ANAPC5: variants seen among roughly 807,000 people sequenced by gnomAD.
ANAPC5 encodes anaphase promoting complex subunit 5.
In ANAPC5, 60 loss-of-function variants were observed where a neutral mutation model predicts 91.3. The ratio of observed to expected loss-of-function variants is 0.66; its 90% confidence interval spans 0.53 to 0.81. The LOEUF (loss-of-function observed/expected upper bound fraction) is 0.81. Among genes scored for constraint, ANAPC5 ranks in the 40% least tolerant of loss-of-function variants. ANAPC5 has a pLI of 0.00. For synonymous variants in ANAPC5, 340 were observed against 364.1 expected, an observed-to-expected ratio of 0.93 and a Z score of 0.75; for missense variants, 690 against 931.5, an observed-to-expected ratio of 0.74 and a Z score of 3.37.
In ANAPC5 at chr12:121,327,088, C is replaced by T; in HGVS notation, c.1440+8G>A. 6.3e-7 allele frequency: 1 copy of T among 1,588,244 alleles called. No homozygotes were observed. Among genetic ancestry groups the T allele is most frequent in the Non-Finnish European group, 8.5e-7 (1 of 1,169,976 alleles). On this transcript the variant is annotated splice_region_variant and intron_variant, in intron 11 of 16. Transcript: ENST00000261819. Reference sequence around the variant, plus strand: ...TCCAGAAGCACGTGGGCCCGGCCACCTGCCTACCTGCTCCGCGTGTAGCTC... The same window carrying T: ...TCCAGAAGCACGTGGGCCCGGCCACTTGCCTACCTGCTCCGCGTGTAGCTC...
upstream of ANAPC5, chr12:121,352,509 A>T: frequency 1.7e-6 from 1 of 593,396 alleles, no homozygotes; most frequent in East Asian, 2.8e-5. Flanking sequence ...GTCAGAGCAC[A>T]TGGGAGAGCG....
chr12:121,337,792 C>G (rs548474007), intron 5 of ANAPC5, among the ~76,000 whole-genome samples: 8 of 152,032 alleles, frequency 5.3e-5, no homozygotes, highest in Admixed American at 1.3e-4. Flanking sequence ...ACTTACCCCC[C>G]CTGTGGCACT....
intron 1 of ANAPC5, among the ~76,000 whole-genome samples, chr12:121,348,386 C>A (rs1053812675): frequency 6.6e-6 from 1 of 152,158 alleles, no homozygotes; most frequent in Non-Finnish European, 1.5e-5. Context: ...GACGAGAGGC[C>A]GGGCACAGTG....
At chr12:121,351,585 G>A (rs964428721) in intron 1 of ANAPC5, among the ~76,000 whole-genome samples, 2 of 151,662 alleles carry the variant, frequency 1.3e-5, no homozygotes, top group African/African-American at 4.8e-5. Context: ...AGCCTCCCGA[G>A]TAGCTGAAAT....
chr12:121,341,192 G>A (rs1903443875), intron 5 of ANAPC5, among the ~76,000 whole-genome samples: 1 of 151,590 alleles, frequency 6.6e-6, no homozygotes, highest in Non-Finnish European at 1.5e-5. Context: ...GAAATGTTTG[G>A]GGCACGCTGG....
In ANAPC5 at chr12:121,327,190, T is replaced by C. The variant is rs782480729; in HGVS notation, c.1346A>G (p.Asn449Ser). Residue 449 changes from asparagine (N) to serine (S), a missense_variant, in exon 11 of 17, where the codon AAC (asparagine) becomes AGC (serine). This residue lies in a region of ANAPC5 where 317 missense variants were observed against 438.7 expected (regional missense o/e 0.72). Transcript: ENST00000261819. ...GCCCGCATTCACCGCCTCCAGGCTG[T>C]TCATGCTCAGCAACATCTGGGCCTG... ...LQQAQMLLSM[N>S]SLEAVNAGVQ... is the part of the protein sequence containing the mutation. 3.1e-6 allele frequency: 5 copies of C among 1,613,610 alleles called. No homozygotes were observed. The highest frequency in any genetic ancestry group is 4.2e-6 in the Non-Finnish European group (5 of 1,179,970).
Position 121,330,589 on chromosome 12 carries a change from C to T in ANAPC5, c.1116G>A (p.Gly372=), listed in dbSNP as rs1555272778. The change falls in exon 9 of 17, where the codon GGG becomes GGA. Residue 372 remains glycine (G), a synonymous_variant. Coordinates refer to ENST00000261819, the MANE Select transcript of ANAPC5 (RefSeq NM_016237.5). The stretch of plus-strand genomic sequence containing the variant: ...ACAGAAAGATGAGCCTTACCGGTAA[C>T]CCAAAATGTACTGCCTTCTTCACAG... ...EHSVKKAVHF[G]LPYLASLGIQ... is the part of the protein sequence containing the mutation. 7 of 1,613,426 alleles carry T rather than the reference C, an allele frequency of 4.3e-6. No individual in the cohort carries two copies. Among genetic ancestry groups the T allele is most frequent in the Non-Finnish European group, 5.1e-6 (6 of 1,179,702 alleles).
chr12:121,329,416 T>TGCTG (rs1902947738), intron 9 of ANAPC5, among the ~76,000 whole-genome samples: 1 of 152,062 alleles, frequency 6.6e-6, no homozygotes, highest in South Asian at 2.1e-4. Flanking sequence ...CCTCCCAAAG[T>TGCTG]GCTGGGATTA....
chr12:121,321,445 C>T (rs1902605298), intron 11 of ANAPC5, among the ~76,000 whole-genome samples: 1 of 148,730 alleles, frequency 6.7e-6, no homozygotes, highest in South Asian at 2.1e-4. Context: ...GCCTCAACTT[C>T]CTAGGCTCAA....
At chr12:121,318,703 G>C in intron 13 of ANAPC5, 95 bp from the exon 14 acceptor site, 1 of 1,116,974 alleles carries the variant, frequency 9.0e-7, no homozygotes. Context: ...CCTCCCAAGG[G>C]AAAAAACTGT....
In ANAPC5 at chr12:121,308,461, C is replaced by A; in HGVS notation, c.*19G>T. 1 of 1,610,494 alleles carries A rather than the reference C, an allele frequency of 6.2e-7. No homozygotes were observed. The highest frequency in any genetic ancestry group is 8.5e-7 in the Non-Finnish European group (1 of 1,177,620). Reference sequence around the variant, plus strand: ...CAAAATCTTATACTCTGCACAGCAGCCCAGCAGGGATGTCCTCTCTAGAGA... The same window carrying A: ...CAAAATCTTATACTCTGCACAGCAGACCAGCAGGGATGTCCTCTCTAGAGA... On this transcript the variant is annotated 3_prime_UTR_variant, in exon 17 of 17. Coordinates refer to ENST00000261819, the MANE Select transcript of ANAPC5 (RefSeq NM_016237.5).
chr12:121,330,718 T>C, intron 8 of ANAPC5, 46 bp from the exon 9 acceptor site: 1 of 1,488,238 alleles, frequency 6.7e-7, no homozygotes, highest in Non-Finnish European at 9.4e-7. Flanking sequence ...TGGCAATGGC[T>C]GATGTTCTAG....
chr12:121,352,018 C>T, intron 1 of ANAPC5, 116 bp downstream of exon 1: 1 of 952,628 alleles, frequency 1.0e-6, no homozygotes, highest in Non-Finnish European at 1.5e-6. Context: ...CTTCACGTTC[C>T]TCCAGGCAGG....
intron 11 of ANAPC5, among the ~76,000 whole-genome samples, chr12:121,324,474 A>G (rs570786994): frequency 6.6e-6 from 1 of 152,330 alleles, no homozygotes; most frequent in Non-Finnish European, 1.5e-5. Context: ...CCCAGAGGTG[A>G]AAGGGAGATG....
rs1166242312 is a variant in ANAPC5 at position 121,318,438 on chromosome 12, G to C, written c.1746-14C>G. ...GACAGTAGGACACTGACCGTAAAGA[G>C]GAAAACACAGGATGAGAAGATCCAC... On this transcript the variant is annotated splice_polypyrimidine_tract_variant and intron_variant, in intron 14 of 16. Coordinates refer to ENST00000261819, the MANE Select transcript of ANAPC5 (RefSeq NM_016237.5). The C allele has an allele frequency of 6.2e-7, 1 of 1,610,994 alleles. No homozygotes were observed. The highest frequency in any genetic ancestry group is 8.5e-7 in the Non-Finnish European group (1 of 1,177,922).
chr12:121,311,151 T>C (rs999790467), intron 15 of ANAPC5, among the ~76,000 whole-genome samples: 3 of 152,070 alleles, frequency 2.0e-5, no homozygotes, highest in Admixed American at 6.6e-5. Context: ...TCCTAGCTAC[T>C]TGGGAGACTG....
At chr12:121,329,049 C>T (rs1555272593) in intron 9 of ANAPC5, 1 of 152,532 alleles carries the variant, frequency 6.6e-6, no homozygotes, top group Non-Finnish European at 1.5e-5. Context: ...TGTAGTTAAG[C>T]CTGCGCTTAC....
chr12:121,335,870 G>T (rs2136796338), intron 6 of ANAPC5, 147 bp from the exon 7 acceptor site: 2 of 638,624 alleles, frequency 3.1e-6, no homozygotes, highest in African/African-American at 3.7e-5. Context: ...CTTCTCCCTA[G>T]AGGCAGAATA....
intron 6 of ANAPC5, among the ~76,000 whole-genome samples, chr12:121,336,038 T>C (rs1327783719): frequency 1.3e-5 from 2 of 152,170 alleles, no homozygotes; most frequent in African/African-American, 4.8e-5. Context: ...GTTCAAATAT[T>C]GAGGAAAACT....
Sources: allele counts gnomAD v4.1 joint callset (sites outside exome capture counted in the v4.1 genomes callset), GRCh38; gene constraint gnomAD v4.1.1; regional missense constraint gnomAD v4.1.1; transcripts MANE v1.5; gene names NCBI Gene and HGNC (gene_info 2026-07-23, HGNC 2026-07-21).